Variants in TGFBRAP1 observed in about 807,000 individuals in gnomAD.
TGFBRAP1 encodes the protein transforming growth factor-beta receptor-associated protein 1.
Under a neutral mutation model 83.2 loss-of-function variants are expected in TGFBRAP1, and 20 were observed. The observed-to-expected ratio is 0.24, with a 90% CI of 0.17 to 0.35. The LOEUF (loss-of-function observed/expected upper bound fraction) is 0.35, where lower values mean the gene tolerates loss of function less well. Among genes scored for constraint, TGFBRAP1 ranks in the 10% least tolerant of loss-of-function variants. The pLI is 1.00. For synonymous variants in TGFBRAP1, 415 were observed against 459.8 expected (o/e 0.90, Z 1.25); for missense variants, 950 against 1,099.4 (o/e 0.86, Z 1.92).
At chr2:105,251,550 C>T in the TGFBRAP1 span, among the ~76,000 whole-genome samples, 1 of 151,314 alleles carries the variant, frequency 6.6e-6, no homozygotes, top group African/African-American at 2.4e-5. Context: ...TGGCCAGCCA[C>T]CCCGTCTGGG....
intron 5 of TGFBRAP1, among the ~76,000 whole-genome samples, chr2:105,283,527 C>T (rs1472886688): frequency 6.6e-6 from 1 of 152,300 alleles, no homozygotes; most frequent in Admixed American, 6.5e-5. Flanking sequence ...TCTGGAGAGA[C>T]ATTTTGAGAA....
the TGFBRAP1 span, among the ~76,000 whole-genome samples, chr2:105,252,881 T>C: frequency 6.8e-6 from 1 of 148,080 alleles, no homozygotes; most frequent in African/African-American, 2.5e-5. Context: ...GCCTCCCGAG[T>C]AGCTGGGACT....
intron 4 of TGFBRAP1, among the ~76,000 whole-genome samples, chr2:105,293,619 T>C (rs1454896355): frequency 6.6e-6 from 1 of 152,206 alleles, no homozygotes; most frequent in Admixed American, 6.5e-5. Context: ...AAAGAAGCAA[T>C]GTAGTTAACC....
chr2:105,261,348 G>A (rs544305068), downstream of TGFBRAP1, among the ~76,000 whole-genome samples: 205 of 152,232 alleles, frequency 1.3e-3, no homozygotes, highest in African/African-American at 2.0e-3. Flanking sequence ...CCCCAGCTTC[G>A]TTGCACACAC....
At position 105,311,169 on chromosome 2, in the gene TGFBRAP1, C is replaced by A. The variant is rs931667244; in HGVS notation, c.-17-2851G>T. Among the ~76,000 whole-genome samples, 742 of 135,256 alleles carry A rather than the reference C, an allele frequency of 5.5e-3. 6 individuals carry two copies. Among genetic ancestry groups the A allele is most frequent in the African/African-American group, 0.017 (632 of 37,198 alleles). The allele number at this position is 135,256 out of a possible 152,430, so 88.7% of individuals were successfully genotyped here. On this transcript the variant is annotated intron_variant, in intron 1 of 11. Coordinates refer to ENST00000393359, the MANE Select transcript of TGFBRAP1 (RefSeq NM_004257.6). ...GTAAAAAAAAAAAAAAAACAAAAAA[C>A]AAAAAAACATATGGTTTACTAAAAA...
chr2:105,260,228 G>GTGAA (rs1558805395), downstream of TGFBRAP1, among the ~76,000 whole-genome samples: 4 of 152,130 alleles, frequency 2.6e-5, no homozygotes, highest in African/African-American at 9.7e-5. Context: ...GGCCAACGTG[G>GTGAA]TGAAACCTTG....
At chr2:105,260,146 T>C (rs1676755180), downstream of TGFBRAP1, among the ~76,000 whole-genome samples, 1 of 152,206 alleles carries the variant, frequency 6.6e-6, no homozygotes, top group Admixed American at 6.5e-5. Context: ...TGGTGGCTTA[T>C]GCCTGTAATC....
At chr2:105,303,944 A>C (rs1678397237) in intron 2 of TGFBRAP1, among the ~76,000 whole-genome samples, 1 of 152,242 alleles carries the variant, frequency 6.6e-6, no homozygotes, top group African/African-American at 2.4e-5. Flanking sequence ...AAAGAGATGA[A>C]GCAGAAAACT....
intron 4 of TGFBRAP1, among the ~76,000 whole-genome samples, chr2:105,286,498 G>A (rs143708337): frequency 1.1e-3 from 165 of 152,344 alleles, no homozygotes; most frequent in African/African-American, 3.8e-3. Flanking sequence ...GAGTACATAC[G>A]AAGGACAGAG....
At chr2:105,316,554 C>T (rs1057288810) in intron 1 of TGFBRAP1, among the ~76,000 whole-genome samples, 1 of 151,246 alleles carries the variant, frequency 6.6e-6, no homozygotes, top group African/African-American at 2.4e-5. Context: ...TGCCTGTAAT[C>T]CTGTAATCCC....
chr2:105,259,936 T>C (rs1198750565), downstream of TGFBRAP1, among the ~76,000 whole-genome samples: 3 of 152,188 alleles, frequency 2.0e-5, no homozygotes, highest in Admixed American at 2.0e-4. Context: ...ATTAGGACAA[T>C]AAGCAGACGA....
downstream of TGFBRAP1, among the ~76,000 whole-genome samples, chr2:105,263,647 G>A (rs942015587): frequency 6.6e-6 from 1 of 152,154 alleles, no homozygotes; most frequent in Non-Finnish European, 1.5e-5. Flanking sequence ...GGAGGCCAAG[G>A]CAGGTGGATC....
intron 4 of TGFBRAP1, among the ~76,000 whole-genome samples, chr2:105,294,617 G>C (rs552302266): frequency 6.6e-6 from 1 of 152,108 alleles, no homozygotes; most frequent in African/African-American, 2.4e-5. Context: ...TGTATTTCCA[G>C]GGCTGGAGAT....
downstream of TGFBRAP1, among the ~76,000 whole-genome samples, chr2:105,263,714 T>C (rs1443857310): frequency 6.6e-6 from 1 of 152,038 alleles, no homozygotes; most frequent in South Asian, 2.1e-4. Context: ...TCTGTCTCTA[T>C]TAAAAATATA....
In TGFBRAP1 at chr2:105,298,724, A is replaced by T; in HGVS notation, c.689-19T>A. 1 of 1,547,366 alleles carries T rather than the reference A, an allele frequency of 6.5e-7. No individual in the cohort carries two copies. The highest frequency in any genetic ancestry group is 8.8e-7 in the Non-Finnish European group (1 of 1,140,680). Reference sequence around the variant, plus strand: ...AACATGCCTAGAAGTAAGAAGAAAGAGTTAGGTAGGCTTCCAAATAAGCAT... The same window carrying T: ...AACATGCCTAGAAGTAAGAAGAAAGTGTTAGGTAGGCTTCCAAATAAGCAT... On this transcript the variant is annotated intron_variant, in intron 2 of 11. Coordinates refer to ENST00000393359, the MANE Select transcript of TGFBRAP1 (RefSeq NM_004257.6).
At chr2:105,275,789 CAT>C in intron 7 of TGFBRAP1, 86 bp from the exon 8 acceptor site, 2 of 1,372,454 alleles carry the variant, frequency 1.5e-6, no homozygotes, top group Non-Finnish European at 1.9e-6. Flanking sequence ...TGAGAAATGG[CAT>C]ATGTTTACTT....
chr2:105,298,233 T>C (rs1678148437), intron 3 of TGFBRAP1, among the ~76,000 whole-genome samples: 1 of 152,120 alleles, frequency 6.6e-6, no homozygotes, highest in South Asian at 2.1e-4. Flanking sequence ...AGCACCTCCT[T>C]CAGGAAGCCC....
At chr2:105,321,703 G>A (rs1679073336) in intron 1 of TGFBRAP1, among the ~76,000 whole-genome samples, 1 of 152,148 alleles carries the variant, frequency 6.6e-6, no homozygotes, top group South Asian at 2.1e-4. Context: ...GGTCCCATAA[G>A]GTTATAATGG....
intron 6 of TGFBRAP1, among the ~76,000 whole-genome samples, chr2:105,279,912 C>A (rs555729583): frequency 2.8e-4 from 42 of 151,962 alleles, no homozygotes; most frequent in African/African-American, 8.7e-4. Flanking sequence ...GTGGCGTGCA[C>A]CTGTAGTCCC....
Sources: allele counts gnomAD v4.1 joint callset (sites outside exome capture counted in the v4.1 genomes callset), GRCh38; gene constraint gnomAD v4.1.1; transcripts MANE v1.5; gene names NCBI Gene and HGNC (gene_info 2026-07-23, HGNC 2026-07-21).